Variants in SBNO1 observed in about 807,000 individuals in gnomAD.
SBNO1 encodes the protein protein strawberry notch homolog 1.
A neutral mutation model predicts 173.6 loss-of-function variants in SBNO1; 23 were observed. That is an observed-to-expected ratio of 0.13 (90% confidence interval 0.10 to 0.19). The LOEUF is 0.19. Ranked by LOEUF, SBNO1 falls within the 10% of genes least tolerant of loss-of-function variation. The pLI is 1.00. For missense variants in SBNO1, 1,238 were observed against 1,671.2 expected (o/e 0.74, Z 4.52); for synonymous variants, 632 against 571.5 (o/e 1.11, Z -1.51).
chr12:123,330,470 T>C lies in SBNO1; in HGVS notation c.1083A>G (p.Arg361=), dbSNP rs1593374169. The change falls in exon 9 of 32, where the codon AGA becomes AGG. Residue 361 remains arginine, a synonymous_variant. Coordinates refer to ENST00000602398, the MANE Select transcript of SBNO1 (RefSeq NM_001167856.3). ...TTTTTGCTCCAATATCCCTTAAATC[T>C]CTTTCAGCATCATACTTTAAGTCAT... ...VSNDLKYDAE[R]DLRDIGAKNI... The C allele has an allele frequency of 6.2e-7, 1 of 1,604,962 alleles. No individual in the cohort carries two copies. The highest frequency in any genetic ancestry group is 2.2e-5 in the East Asian group (1 of 44,764).
At chr12:123,355,958 G>C (rs941045863) in intron 1 of SBNO1, among the ~76,000 whole-genome samples, 8 of 152,118 alleles carry the variant, frequency 5.3e-5, no homozygotes, top group African/African-American at 1.9e-4. Context: ...AGAATGGAAG[G>C]ATATAGTTCC....
At chr12:123,330,614 A>G in intron 8 of SBNO1, 105 bp from the exon 9 acceptor site, 4 of 592,812 alleles carry the variant, frequency 6.7e-6, no homozygotes, top group Admixed American at 4.1e-5. Flanking sequence ...AAAAAAAAAA[A>G]AAGAAAAAGA....
intron 19 of SBNO1, 44 bp from the exon 20 acceptor site, chr12:123,320,075 C>T (rs368400617): frequency 2.0e-4 from 320 of 1,607,824 alleles, no homozygotes; most frequent in Non-Finnish European, 2.6e-4. Flanking sequence ...TATCTGACTG[C>T]GGTGGATGGA....
At chr12:123,348,001 A>C in intron 3 of SBNO1, 28 bp downstream of exon 3, 1 of 1,379,388 alleles carries the variant, frequency 7.2e-7, no homozygotes, top group Non-Finnish European at 1.0e-6. Context: ...CTATTTTAGA[A>C]GTAACGACGA....
At chr12:123,325,674 T>A in intron 14 of SBNO1, 75 bp from the exon 15 acceptor site, 1 of 964,598 alleles carries the variant, frequency 1.0e-6, no homozygotes, top group South Asian at 1.5e-5. Context: ...TTTTAAACAT[T>A]TAGCTAAACA....
chr12:123,364,818 C>A lies in SBNO1; in HGVS notation c.-118G>T, dbSNP rs1875967941. The A allele has an allele frequency of 1.0e-6, 1 of 977,750 alleles. No homozygotes were observed. Among genetic ancestry groups the A allele is most frequent in the South Asian group, 4.7e-5 (1 of 21,412 alleles). 60.6% of individuals were successfully genotyped at this position (977,750 alleles called of 1,614,324 possible). ...CGGCAGCAGCGGCGTCCTGCTCTGCCTACCTCCCCGCCGCCATCTTGACGC... is the reference window on the plus strand; with the variant it reads ...CGGCAGCAGCGGCGTCCTGCTCTGCATACCTCCCCGCCGCCATCTTGACGC... On this transcript the variant is annotated 5_prime_UTR_variant, in exon 1 of 32. It adds an upstream start codon to the 5' untranslated region. Coordinates refer to ENST00000602398, the MANE Select transcript of SBNO1 (RefSeq NM_001167856.3).
At chr12:123,304,531 TG>T in intron 29 of SBNO1, 50 bp downstream of exon 29, 1 of 1,383,978 alleles carries the variant, frequency 7.2e-7, no homozygotes, top group Non-Finnish European at 1.0e-6. Flanking sequence ...CCACATTGCC[TG>T]GCCCAAAGTA....
intron 1 of SBNO1, among the ~76,000 whole-genome samples, chr12:123,354,132 C>T (rs1303802539): frequency 6.6e-6 from 1 of 152,030 alleles, no homozygotes; most frequent in East Asian, 1.9e-4. Context: ...TTTTGATGTT[C>T]ATGTAAGAAA....
chr12:123,341,564 C>T lies in SBNO1; in HGVS notation c.551-476G>A, dbSNP rs1399857107. On this transcript the variant is annotated intron_variant, in intron 4 of 31. Transcript: ENST00000602398. The stretch of plus-strand genomic sequence containing the variant: ...TTTTTGGAGTTTCACTCTTGTTGCC[C>T]AGGATGGAGTGCGTTGGCGCAATCT... Among the ~76,000 whole-genome samples the T allele has an allele frequency of 2.0e-5, 3 of 152,090 alleles. No individual in the cohort carries two copies. In the East Asian group the frequency reaches 5.8e-4, roughly 29 times the overall value.
intron 1 of SBNO1, among the ~76,000 whole-genome samples, chr12:123,363,665 C>G (rs1875676839): frequency 6.6e-6 from 1 of 152,090 alleles, no homozygotes; most frequent in Non-Finnish European, 1.5e-5. Flanking sequence ...AAAAACGTTG[C>G]TTTATTTGTC....
At position 123,364,063 on chromosome 12, in the gene SBNO1, G is replaced by A. The variant is rs564350150; in HGVS notation, c.-1+638C>T. ...CATGGGTAATTCTTAGGGTCTGGGA[G>A]GTGAGCTCGCCCGCCGAGGCAGAAC... On this transcript the variant is annotated intron_variant, in intron 1 of 31. Coordinates refer to ENST00000602398, the MANE Select transcript of SBNO1 (RefSeq NM_001167856.3). The A allele has an allele frequency of 9.3e-5, 92 of 985,512 alleles. No homozygotes were observed. In the African/African-American group the frequency reaches 9.9e-4, roughly 11 times the overall value. The allele number at this position is 985,512 out of a possible 1,614,324, so 61.0% of individuals were successfully genotyped here. A position where few individuals can be genotyped will look rare whatever the true frequency, so the allele number is the denominator to read the frequency against.
chr12:123,362,579 G>A (rs1023636901), intron 1 of SBNO1, among the ~76,000 whole-genome samples: 2 of 149,584 alleles, frequency 1.3e-5, no homozygotes, highest in Non-Finnish European at 3.0e-5. Context: ...CAGCCTGGCC[G>A]ACATGGTGAA....
intron 8 of SBNO1, 91 bp from the exon 9 acceptor site, chr12:123,330,600 A>C (rs1303392061): frequency 1.5e-3 from 1 of 646 alleles, no homozygotes; most frequent in South Asian, 0.042. Context: ...CTTGACACTT[A>C]AAAAAAAAAA....
chr12:123,308,487 G>C (rs377244952), intron 28 of SBNO1, among the ~76,000 whole-genome samples: 6 of 151,654 alleles, frequency 4.0e-5, no homozygotes, highest in African/African-American at 1.5e-4. Flanking sequence ...TGGCTAACAC[G>C]GTGAAACCCT....
intron 9 of SBNO1, 44 bp downstream of exon 9, chr12:123,330,375 G>A (rs762822545): frequency 1.8e-6 from 2 of 1,119,886 alleles, no homozygotes; most frequent in East Asian, 2.4e-5. Context: ...TCACAGATGA[G>A]TCAATATTTA....
At chr12:123,326,658 G>A (rs185311430) in intron 13 of SBNO1, among the ~76,000 whole-genome samples, 40 of 152,330 alleles carry the variant, frequency 2.6e-4, no homozygotes, top group Admixed American at 1.4e-3. Context: ...AGGCGCAGTG[G>A]CTGATGCCTG....
At chr12:123,313,253 T>TA (rs1301387051) in intron 24 of SBNO1, among the ~76,000 whole-genome samples, 53 of 145,302 alleles carry the variant, frequency 3.6e-4, no homozygotes, top group African/African-American at 1.3e-3. Context: ...AATAAATAAA[T>TA]AATTTTTAAA....
intron 1 of SBNO1, among the ~76,000 whole-genome samples, chr12:123,354,310 C>A (rs930032018): frequency 6.6e-6 from 1 of 152,072 alleles, no homozygotes; most frequent in Non-Finnish European, 1.5e-5. Context: ...CAATTTAAGA[C>A]CCTCTAATCT....
chr12:123,350,355 TCCA>T lies in SBNO1; in HGVS notation c.84_86del (p.Gly29del). On this transcript the variant is annotated inframe_deletion, in exon 2 of 32. Coordinates refer to ENST00000602398, the MANE Select transcript of SBNO1 (RefSeq NM_001167856.3). Reference sequence around the variant, plus strand: ...GCATTGGAGTTGCAAGCCCTGCATCTCCACCATCAATATCAAAGAGGTCATTCG... The same window carrying T: ...GCATTGGAGTTGCAAGCCCTGCATCTCCATCAATATCAAAGAGGTCATTCG... 2 of 1,614,000 alleles carry T rather than the reference TCCA, an allele frequency of 1.2e-6. No homozygotes were observed. Among genetic ancestry groups the T allele is most frequent in the Non-Finnish European group, 1.7e-6 (2 of 1,179,900 alleles).
Sources: gnomAD v4.1 joint callset for allele counts (sites outside exome capture counted in the v4.1 genomes callset) on GRCh38, gnomAD v4.1.1 for gene constraint, MANE v1.5 for transcripts, NCBI Gene and HGNC (gene_info 2026-07-23, HGNC 2026-07-21) for gene names.